Variants in TMEM131 observed in about 807,000 individuals in gnomAD.
TMEM131 encodes 2610524E03Rik.
TMEM131 carries 66 observed loss-of-function variants against 211.6 expected under a neutral mutation model. That is an observed-to-expected ratio of 0.31 (90% CI 0.26 to 0.38). The LOEUF (loss-of-function observed/expected upper bound fraction) is 0.38. TMEM131 is among the 10% of genes least tolerant of loss of function. TMEM131 has a pLI of 1.00. For synonymous variants in TMEM131, 844 were observed against 841.3 expected (o/e 1.00, Z -0.06); for missense variants, 2,036 against 2,299.3 (o/e 0.89, Z 2.34).
intron 1 of TMEM131, among the ~76,000 whole-genome samples, chr2:97,949,817 CAAAAAAAAA>C (rs386390704): frequency 2.1e-4 from 14 of 66,974 alleles, no homozygotes; most frequent in Middle Eastern, 0.012. Flanking sequence ...GAGACTGTCT[CAAAAAAAAA>C]AAAAAAAAAA....
chr2:97,799,078 C>A (rs1375829647), intron 25 of TMEM131, among the ~76,000 whole-genome samples: 2 of 152,080 alleles, frequency 1.3e-5, no homozygotes, highest in African/African-American at 4.8e-5. Flanking sequence ...TCAGAGTATC[C>A]ACCACGATGT....
intron 31 of TMEM131, among the ~76,000 whole-genome samples, chr2:97,789,870 A>G (rs1680420477): frequency 6.6e-6 from 1 of 152,218 alleles, no homozygotes; most frequent in African/African-American, 2.4e-5. Flanking sequence ...AACAGGCGGC[A>G]TTTCTGGGCA....
intron 2 of TMEM131, 152 bp downstream of exon 2, chr2:97,927,274 T>C (rs1677031934): frequency 4.1e-6 from 2 of 486,108 alleles, no homozygotes; most frequent in Admixed American, 8.5e-5. Context: ...ACTACAGAGG[T>C]TTTTATATTA....
chr2:97,964,136 T>C (rs1399359787), intron 1 of TMEM131, among the ~76,000 whole-genome samples: 2 of 152,210 alleles, frequency 1.3e-5, no homozygotes, highest in Non-Finnish European at 2.9e-5. Flanking sequence ...TATTACCACA[T>C]ACAGCTGCAG....
intron 1 of TMEM131, among the ~76,000 whole-genome samples, chr2:97,951,515 A>G (rs1678314730): frequency 2.0e-5 from 3 of 152,172 alleles, no homozygotes; most frequent in African/African-American, 7.2e-5. Flanking sequence ...TGTTGTGGGC[A>G]GACTAGGCCT....
Position 97,955,766 on chromosome 2 carries a change from A to G in TMEM131, c.188-28279T>C, listed in dbSNP as rs138975715. ...ATTTACAATCACTCTGGAAAGTGAA[A>G]TACTTGCAATCACTCCGGAAAGTGA... On this transcript the variant is annotated intron_variant, in intron 1 of 40. Transcript: ENST00000186436. Among the ~76,000 whole-genome samples the G allele has an allele frequency of 4.2e-3, 633 of 152,314 alleles. 4 individuals carry two copies. The highest frequency in any genetic ancestry group is 0.014 in the African/African-American group (598 of 41,574).
chr2:97,795,602 T>C (rs1680723296), intron 28 of TMEM131, among the ~76,000 whole-genome samples: 1 of 152,208 alleles, frequency 6.6e-6, no homozygotes, highest in African/African-American at 2.4e-5. Flanking sequence ...CCTCATTGCA[T>C]CTTTAGGTGT....
intron 1 of TMEM131, among the ~76,000 whole-genome samples, chr2:97,982,554 G>C (rs140096747): frequency 9.2e-5 from 14 of 152,072 alleles, no homozygotes; most frequent in African/African-American, 3.4e-4. Flanking sequence ...TGTTGTTTGT[G>C]CTTTTGGTGT....
intron 2 of TMEM131, among the ~76,000 whole-genome samples, chr2:97,917,410 A>C (rs954439428): frequency 6.6e-6 from 1 of 152,204 alleles, no homozygotes; most frequent in Non-Finnish European, 1.5e-5. Flanking sequence ...AATCTAAGGC[A>C]ATCTGGCATA....
At chr2:97,972,618 C>T (rs1337098147) in intron 1 of TMEM131, among the ~76,000 whole-genome samples, 13 of 152,120 alleles carry the variant, frequency 8.5e-5, no homozygotes, top group Admixed American at 6.5e-4. Flanking sequence ...ATCCTAACCT[C>T]GGGATCTTGT....
At chr2:97,885,428 T>C (rs2104237655) in intron 4 of TMEM131, among the ~76,000 whole-genome samples, 1 of 72,998 alleles carries the variant, frequency 1.4e-5, no homozygotes, top group Admixed American at 1.0e-4. Context: ...TCTCCTGACC[T>C]TGTGATCCGC....
intron 11 of TMEM131, among the ~76,000 whole-genome samples, chr2:97,826,550 G>C (rs1401273972): frequency 1.3e-5 from 2 of 151,932 alleles, no homozygotes; most frequent in Non-Finnish European, 2.9e-5. Context: ...CAGCAGAAAG[G>C]AAAGAGAGAA....
intron 11 of TMEM131, among the ~76,000 whole-genome samples, chr2:97,824,551 T>G (rs1342936499): frequency 6.6e-6 from 1 of 152,192 alleles, no homozygotes; most frequent in Admixed American, 6.5e-5. Flanking sequence ...TCCCACACCC[T>G]TATTAGGGAG....
intron 11 of TMEM131, 25 bp downstream of exon 11, chr2:97,833,340 G>A (rs1355429411): frequency 1.8e-5 from 19 of 1,037,634 alleles, no homozygotes; most frequent in Middle Eastern, 2.3e-4. Context: ...ATATAAATTA[G>A]GGGAAAAAAG....
At chr2:97,994,816 T>C (rs962245378) in intron 1 of TMEM131, among the ~76,000 whole-genome samples, 1 of 152,234 alleles carries the variant, frequency 6.6e-6, no homozygotes, top group African/African-American at 2.4e-5. Flanking sequence ...CTGTAAATTA[T>C]AGATAAATGC....
At chr2:97,873,073 G>A (rs950210537) in intron 4 of TMEM131, among the ~76,000 whole-genome samples, 11 of 152,206 alleles carry the variant, frequency 7.2e-5, no homozygotes, top group South Asian at 2.1e-4. Flanking sequence ...AGGGGCGTCC[G>A]CCATTGCTAA....
chr2:97,940,482 G>C (rs965924650), intron 1 of TMEM131, among the ~76,000 whole-genome samples: 4 of 152,108 alleles, frequency 2.6e-5, no homozygotes, highest in Admixed American at 6.5e-5. Flanking sequence ...CCTCTTCAAG[G>C]AGAACTACAA....
intron 3 of TMEM131, chr2:97,907,334 A>G (rs776744621): frequency 6.6e-6 from 1 of 152,214 alleles, no homozygotes; most frequent in Non-Finnish European, 1.5e-5. Flanking sequence ...CAGAGATGAA[A>G]GAGTAAAAAG....
chr2:97,907,941 C>T (rs575913319), intron 3 of TMEM131, among the ~76,000 whole-genome samples: 106 of 152,228 alleles, frequency 7.0e-4, no homozygotes, highest in Non-Finnish European at 1.2e-3. Context: ...CTATGGTCCT[C>T]CGGGGAGCAA....
Sources: gnomAD v4.1 joint callset for allele counts (sites outside exome capture counted in the v4.1 genomes callset) on GRCh38, gnomAD v4.1.1 for gene constraint, MANE v1.5 for transcripts, NCBI Gene and HGNC (gene_info 2026-07-23, HGNC 2026-07-21) for gene names.